The following CYP7B1 variants were observed in gnomAD, a reference collection of about 807,000 sequenced individuals.
CYP7B1 encodes the protein cytochrome P450 family 7 subfamily B member 1, also known as cytochrome P450 7B1.
CYP7B1 carries 29 observed loss-of-function variants against 42.7 expected under a neutral mutation model. The observed-to-expected ratio is 0.68, with a 90% CI of 0.51 to 0.93. The LOEUF is 0.93. Among genes scored for constraint, CYP7B1 ranks in the 40% least tolerant of loss-of-function variants. The probability of loss-of-function intolerance (pLI) is 0.00; values close to 1 mark genes in which losing one functional copy is unlikely to be tolerated. For missense variants in CYP7B1, 655 were observed against 600.5 expected (o/e 1.09, Z -0.95); for synonymous variants, 235 against 218.2 (o/e 1.08, Z -0.68).
intron 1 of CYP7B1, among the ~76,000 whole-genome samples, chr8:64,783,500 G>A (rs1295070242): frequency 2.0e-5 from 3 of 150,880 alleles, no homozygotes; most frequent in East Asian, 1.9e-4. Flanking sequence ...TGATATGTAT[G>A]TCGGGTGAGA....
At position 64,593,081 on chromosome 8, in the gene CYP7B1, CT is replaced by C. The variant is rs1447300216; in HGVS notation, c.*3560del. Among the ~76,000 whole-genome samples the C allele has an allele frequency of 1.3e-5, 2 of 152,102 alleles. No individual in the cohort carries two copies. The highest frequency in any genetic ancestry group is 4.8e-5 in the African/African-American group (2 of 41,412). ...GCCGAAATTGGAATGGAATAATTTC[CT>C]GTGTTCTCTGTGCCTTAACATCACA... On this transcript the variant is annotated 3_prime_UTR_variant, in exon 6 of 6. Transcript: ENST00000310193.
chr8:64,640,503 A>C (rs1467483881), intron 1 of CYP7B1, among the ~76,000 whole-genome samples: 1 of 152,148 alleles, frequency 6.6e-6, no homozygotes, highest in Non-Finnish European at 1.5e-5. Context: ...TCTGTATATA[A>C]AGAAACATTT....
chr8:64,780,965 C>T (rs1451737142), intron 1 of CYP7B1, among the ~76,000 whole-genome samples: 1 of 152,134 alleles, frequency 6.6e-6, no homozygotes, highest in African/African-American at 2.4e-5. Flanking sequence ...CAATGTCTGA[C>T]TTATTTTCAA....
intron 1 of CYP7B1, among the ~76,000 whole-genome samples, chr8:64,632,695 C>T (rs562077975): frequency 1.3e-5 from 2 of 152,206 alleles, no homozygotes; most frequent in East Asian, 3.9e-4. Flanking sequence ...ACTTCCTCTA[C>T]TTCATAAGTA....
At chr8:64,649,827 T>C (rs1280571090) in intron 1 of CYP7B1, among the ~76,000 whole-genome samples, 1 of 152,246 alleles carries the variant, frequency 6.6e-6, no homozygotes, top group Non-Finnish European at 1.5e-5. Context: ...TGAGCATCTT[T>C]CCATGTGTTT....
At chr8:64,720,661 CTTTG>C (rs1266805909) in intron 1 of CYP7B1, among the ~76,000 whole-genome samples, 2 of 152,076 alleles carry the variant, frequency 1.3e-5, no homozygotes, top group Non-Finnish European at 2.9e-5. Flanking sequence ...ATTCATACAT[CTTTG>C]TTTGAGACCT....
intron 1 of CYP7B1, among the ~76,000 whole-genome samples, chr8:64,751,623 A>T (rs2129633505): frequency 6.6e-6 from 1 of 152,324 alleles, no homozygotes; most frequent in African/African-American, 2.4e-5. Context: ...ACAATTGCTT[A>T]GTCAAACGGC....
At chr8:64,752,063 A>C (rs1231761962) in intron 1 of CYP7B1, among the ~76,000 whole-genome samples, 1 of 152,122 alleles carries the variant, frequency 6.6e-6, no homozygotes, top group African/African-American at 2.4e-5. Flanking sequence ...ACCATGATCC[A>C]CTTTCCAGGG....
At chr8:64,751,137 T>C (rs1807719605) in intron 1 of CYP7B1, among the ~76,000 whole-genome samples, 1 of 152,228 alleles carries the variant, frequency 6.6e-6, no homozygotes, top group Non-Finnish European at 1.5e-5. Context: ...CTGTTTTAAA[T>C]TTTAAAAGTA....
intron 1 of CYP7B1, among the ~76,000 whole-genome samples, chr8:64,677,015 T>C (rs570542832): frequency 1.3e-5 from 2 of 152,154 alleles, no homozygotes; most frequent in East Asian, 1.9e-4. Flanking sequence ...TTTGTTCTAA[T>C]GTAAAAGGCA....
chr8:64,694,504 C>A (rs1806794943), intron 1 of CYP7B1, among the ~76,000 whole-genome samples: 1 of 152,082 alleles, frequency 6.6e-6, no homozygotes, highest in Admixed American at 6.5e-5. Context: ...AATGAGAGTG[C>A]TATGAGGCCA....
chr8:64,643,042 G>A (rs1805880888), intron 1 of CYP7B1, among the ~76,000 whole-genome samples: 1 of 134,042 alleles, frequency 7.5e-6, no homozygotes, highest in Non-Finnish European at 1.6e-5. Context: ...GTATTAGTCA[G>A]TGTTCTCCAG....
At chr8:64,692,628 T>G (rs781152617) in intron 1 of CYP7B1, among the ~76,000 whole-genome samples, 2 of 152,178 alleles carry the variant, frequency 1.3e-5, no homozygotes, top group Non-Finnish European at 2.9e-5. Flanking sequence ...TCTGACTTTA[T>G]CACATTGAGT....
intron 1 of CYP7B1, among the ~76,000 whole-genome samples, chr8:64,689,433 G>A (rs1268928029): frequency 3.3e-5 from 5 of 152,152 alleles, no homozygotes; most frequent in Admixed American, 6.5e-5. Context: ...TGAAAATCAC[G>A]AATCAAAGCA....
intron 1 of CYP7B1, among the ~76,000 whole-genome samples, chr8:64,652,607 G>A (rs759095636): frequency 1.3e-5 from 2 of 152,174 alleles, no homozygotes; most frequent in Non-Finnish European, 2.9e-5. Flanking sequence ...CACTTTGGGA[G>A]GCCGAGGCAG....
intron 1 of CYP7B1, among the ~76,000 whole-genome samples, chr8:64,646,470 A>G (rs1325401452): frequency 6.6e-6 from 1 of 152,238 alleles, no homozygotes; most frequent in Non-Finnish European, 1.5e-5. Context: ...GGATTTCTAG[A>G]TGGTAAATGA....
At chr8:64,714,114 T>C (rs1807120486) in intron 1 of CYP7B1, among the ~76,000 whole-genome samples, 1 of 152,196 alleles carries the variant, frequency 6.6e-6, no homozygotes, top group African/African-American at 2.4e-5. Flanking sequence ...CTCAAACCTG[T>C]GTTTCTGGCT....
At chr8:64,638,137 T>G (rs1805800796) in intron 1 of CYP7B1, among the ~76,000 whole-genome samples, 1 of 152,174 alleles carries the variant, frequency 6.6e-6, no homozygotes, top group Non-Finnish European at 1.5e-5. Context: ...GGATTTTTTT[T>G]TTCATGTTCC....
chr8:64,658,543 C>T (rs1311702149), intron 1 of CYP7B1, among the ~76,000 whole-genome samples: 2 of 152,114 alleles, frequency 1.3e-5, no homozygotes, highest in East Asian at 3.9e-4. Context: ...ACACCCTTTT[C>T]TAAGTTTGGA....
Sources: gnomAD v4.1 joint callset for allele counts (sites outside exome capture counted in the v4.1 genomes callset) on GRCh38, gnomAD v4.1.1 for gene constraint, MANE v1.5 for transcripts, NCBI Gene and HGNC (gene_info 2026-07-23, HGNC 2026-07-21) for gene names.